EVI5L: variants seen among roughly 807,000 people sequenced by gnomAD.
EVI5L encodes EVI5-like protein.
In EVI5L, 30 loss-of-function variants were observed where a neutral mutation model predicts 106.1. That is an observed-to-expected ratio of 0.28 (90% CI 0.21 to 0.38). EVI5L has a LOEUF of 0.38. EVI5L is among the 10% of genes least tolerant of loss of function. EVI5L has a pLI of 1.00. For synonymous variants in EVI5L, 489 were observed against 483.3 expected (o/e 1.01, Z -0.15); for missense variants, 809 against 1,098.0 (o/e 0.74, Z 3.72).
chr19:7,859,203 A>C (rs199791370), intron 13 of EVI5L: 55 of 150,806 alleles, frequency 3.6e-4, no homozygotes, highest in African/African-American at 3.1e-4. Flanking sequence ...AAAAAAAAAA[A>C]AAAAAAACTT....
Position 7,864,951 on chromosome 19 carries a change from G to C in EVI5L, c.*1249G>C, listed in dbSNP as rs1193579670. The C allele has an allele frequency of 6.6e-6, 1 of 152,500 alleles. No individual in the cohort carries two copies. Among genetic ancestry groups the C allele is most frequent in the Non-Finnish European group, 1.5e-5 (1 of 68,064 alleles). 9.4% of individuals were successfully genotyped at this position (152,500 alleles called of 1,614,324 possible). ...ACATGTCGCCCAGGCGGGAAAAATG[G>C]AAAATAAAGTGTATTTACACAGTCA... On this transcript the variant is annotated 3_prime_UTR_variant, in exon 20 of 20. Coordinates refer to ENST00000538904, the MANE Select transcript of EVI5L (RefSeq NM_001159944.3). The surrounding 1 kb of genome is among the most constrained non-coding windows in gnomAD (Gnocchi z 4.5).
At position 7,849,007 on chromosome 19, in the gene EVI5L, C is replaced by T. The variant is rs749119885; in HGVS notation, c.414C>T (p.Asn138=). ...LCSATDMPVK[N]QYSELLKMSS... The stretch of plus-strand genomic sequence containing the variant: ...GCGCCACGGACATGCCCGTCAAGAA[C>T]CAGTACTCCGAGCTGCTCAAGATGT... Residue 138 remains asparagine, a synonymous_variant, in exon 4 of 20, where the codon AAC becomes AAT. Transcript: ENST00000538904. 5 of 1,613,654 alleles carry T rather than the reference C, an allele frequency of 3.1e-6. No individual in the cohort carries two copies. The highest frequency in any genetic ancestry group is 4.2e-6 in the Non-Finnish European group (5 of 1,180,048).
At chr19:7,852,419 C>T (rs761629343) in intron 8 of EVI5L, among the ~76,000 whole-genome samples, 6 of 152,174 alleles carry the variant, frequency 3.9e-5, no homozygotes, top group Non-Finnish European at 7.4e-5. Flanking sequence ...CTTACCTTAA[C>T]CCTTTGCACA....
At chr19:7,847,539 T>C (rs1376186133) in intron 2 of EVI5L, among the ~76,000 whole-genome samples, 193 bp from the exon 3 acceptor site, 1 of 151,188 alleles carries the variant, frequency 6.6e-6, no homozygotes, top group East Asian at 1.9e-4. Context: ...TGAGCTGAGA[T>C]CACACCACTG....
rs777420831 is a variant in EVI5L at position 7,862,962 on chromosome 19, C to G, written c.1948-10C>G. The G allele has an allele frequency of 1.5e-5, 23 of 1,547,514 alleles. No individual in the cohort carries two copies. The South Asian group carries it at 2.5e-4, about 17-fold the overall frequency. The stretch of plus-strand genomic sequence containing the variant: ...CCCGCCCTCCTTTCCCCCCAATCCC[C>G]CGACCCCAGAGCAAGGAGGAGGTGA... On this transcript the variant is annotated splice_polypyrimidine_tract_variant and intron_variant, in intron 17 of 19. Coordinates refer to ENST00000538904, the MANE Select transcript of EVI5L (RefSeq NM_001159944.3).
At position 7,857,046 on chromosome 19, in the gene EVI5L, G is replaced by C. The variant is rs771768448; in HGVS notation, c.1201-46G>C. On this transcript the variant is annotated intron_variant, in intron 11 of 19. Coordinates refer to ENST00000538904, the MANE Select transcript of EVI5L (RefSeq NM_001159944.3). This position sits in a 1 kb window ranked among gnomAD's most constrained non-coding sequence, Gnocchi z 4.5. ...CCCCTCTCCTGTCCCCGCGCCTTCC[G>C]CTCTGCCTCCTCCCCCTGTCGCTGG... 1.3e-6 allele frequency: 2 copies of C among 1,551,262 alleles called. No individual in the cohort carries two copies. Among genetic ancestry groups the C allele is most frequent in the Admixed American group, 3.9e-5 (2 of 51,004 alleles).
Position 7,856,988 on chromosome 19 carries a change from A to T in EVI5L, c.1201-104A>T. 1 of 1,183,130 alleles carries T rather than the reference A, an allele frequency of 8.5e-7. No individual in the cohort carries two copies. Among genetic ancestry groups the T allele is most frequent in the Non-Finnish European group, 1.2e-6 (1 of 812,988 alleles). 73.3% of individuals were successfully genotyped at this position (1,183,130 alleles called of 1,614,324 possible). ...TCTCCCCCGCTTCTAGAGATAGTCC[A>T]CTGCGTTAGTGACAAGTGGTTCTTG... On this transcript the variant is annotated intron_variant, in intron 11 of 19. Transcript: ENST00000538904. The surrounding 1 kb of genome is among the most constrained non-coding windows in gnomAD (Gnocchi z 6.6).
At position 7,863,545 on chromosome 19, in the gene EVI5L, G is replaced by C; in HGVS notation, c.2261G>C (p.Gly754Ala). 1.2e-6 allele frequency: 2 copies of C among 1,600,126 alleles called. No homozygotes were observed. The highest frequency in any genetic ancestry group is 1.7e-6 in the Non-Finnish European group (2 of 1,174,354). The change falls in exon 20 of 20, where the codon GGC becomes GCC. Residue 754 changes from glycine to alanine, a missense_variant. Coordinates refer to ENST00000538904, the MANE Select transcript of EVI5L (RefSeq NM_001159944.3). The surrounding 1 kb of genome is among the most constrained non-coding windows in gnomAD (Gnocchi z 7.7). ...PSSDEELLGV[G>A]VGAALQDALY... ...TCGGACGAGGAGCTACTTGGCGTAG[G>C]CGTGGGCGCTGCCCTGCAGGACGCA...
chr19:7,834,314 A>G (rs1196480691), intron 1 of EVI5L, among the ~76,000 whole-genome samples: 1 of 152,152 alleles, frequency 6.6e-6, no homozygotes, highest in African/African-American at 2.4e-5. Context: ...ACAGAGCGAG[A>G]CTCCATCTCA....
rs572384285 is a variant in EVI5L, at chr19:7,856,833, C to T, written c.1201-259C>T. ...TGGGACAGTGGGTTTCCCAGCCCTG[C>T]GGCCTCCCCCACAGCCGCGGGCACC... On this transcript the variant is annotated intron_variant, in intron 11 of 19. Transcript: ENST00000538904. This position sits in a 1 kb window ranked among gnomAD's most constrained non-coding sequence, Gnocchi z 6.6. 70 of 666,558 alleles carry T rather than the reference C, an allele frequency of 1.1e-4. No homozygotes were observed. The highest frequency in any genetic ancestry group is 1.5e-4 in the Non-Finnish European group (55 of 364,884). The allele number at this position is 666,558 out of a possible 1,614,324, so 41.3% of individuals were successfully genotyped here.
At chr19:7,851,999 G>C (rs1979274205) in intron 8 of EVI5L, among the ~76,000 whole-genome samples, 1 of 152,298 alleles carries the variant, frequency 6.6e-6, no homozygotes, top group South Asian at 2.1e-4. Context: ...TGGCCGCAGG[G>C]AGACAGGAGG....
intron 10 of EVI5L, 114 bp downstream of exon 10, chr19:7,853,447 C>T (rs1979362090): frequency 5.6e-6 from 8 of 1,427,208 alleles, no homozygotes; most frequent in Non-Finnish European, 7.7e-6. Flanking sequence ...CAGGCGGACC[C>T]GGCGGTCCTT....
At chr19:7,844,782 A>G (rs1268006256) in intron 1 of EVI5L, among the ~76,000 whole-genome samples, 14 of 152,200 alleles carry the variant, frequency 9.2e-5, no homozygotes, top group Non-Finnish European at 4.4e-5. Flanking sequence ...GACTAGGGGA[A>G]CGCTTGAGGG....
In EVI5L at chr19:7,848,886, C is replaced by T. The variant is rs1030945600; in HGVS notation, c.328-35C>T. ...GGCCACGGGGAGGCTGCGCTGGGAC[C>T]GAGTCCAGCCCCCGCTTCCCGCTCC... On this transcript the variant is annotated intron_variant, in intron 3 of 19. Coordinates refer to ENST00000538904, the MANE Select transcript of EVI5L (RefSeq NM_001159944.3). The surrounding 1 kb of genome is among the most constrained non-coding windows in gnomAD (Gnocchi z 4.8). The T allele has an allele frequency of 4.4e-6, 7 of 1,589,692 alleles. No homozygotes were observed. The highest frequency in any genetic ancestry group is 1.3e-5 in the African/African-American group (1 of 74,622).
At chr19:7,860,372 C>T (rs753240312) in intron 13 of EVI5L, among the ~76,000 whole-genome samples, 189 bp from the exon 14 acceptor site, 12 of 152,264 alleles carry the variant, frequency 7.9e-5, no homozygotes, top group Middle Eastern at 6.8e-3. Flanking sequence ...GAAGCTGGAC[C>T]GGGCCAGCTG....
intron 1 of EVI5L, among the ~76,000 whole-genome samples, chr19:7,841,439 A>G (rs1978598046): frequency 6.6e-6 from 1 of 151,896 alleles, no homozygotes; most frequent in South Asian, 2.1e-4. Flanking sequence ...GGAAGGAGGA[A>G]GCATGCGCGG....
At chr19:7,861,444 C>G (rs1195829493) in intron 14 of EVI5L, among the ~76,000 whole-genome samples, 2 of 152,212 alleles carry the variant, frequency 1.3e-5, no homozygotes, top group Non-Finnish European at 2.9e-5. Context: ...CCTGGGACAC[C>G]AGGACAGGGC....
rs1015209001 is a variant in EVI5L, at chr19:7,845,004, G to A, written c.-47-1492G>A. On this transcript the variant is annotated intron_variant, in intron 1 of 19. Transcript: ENST00000538904. This position sits in a 1 kb window ranked among gnomAD's most constrained non-coding sequence, Gnocchi z 4.0. Reference sequence around the variant, plus strand: ...GTGGGAAGGTGCCCAGTGACCCAACGGTAGTCAGGCAGGTATAGAGTGGTC... The same window carrying A: ...GTGGGAAGGTGCCCAGTGACCCAACAGTAGTCAGGCAGGTATAGAGTGGTC... Among the ~76,000 whole-genome samples, 12 of 152,144 alleles carry A rather than the reference G, an allele frequency of 7.9e-5. No homozygotes were observed. The highest frequency in any genetic ancestry group is 4.8e-5 in the African/African-American group (2 of 41,426).
chr19:7,855,590 C>A (rs532025357), intron 10 of EVI5L, among the ~76,000 whole-genome samples: 1 of 152,180 alleles, frequency 6.6e-6, no homozygotes, highest in Admixed American at 6.5e-5. Flanking sequence ...AGCCTGCCCC[C>A]GGAATTGAAC....
Sources: allele counts gnomAD v4.1 joint callset (sites outside exome capture counted in the v4.1 genomes callset), GRCh38; gene constraint gnomAD v4.1.1; non-coding constraint Gnocchi (gnomAD v3.1); transcripts MANE v1.5; gene names NCBI Gene and HGNC (gene_info 2026-07-23, HGNC 2026-07-21).